The following EVL variants were observed in gnomAD, a reference collection of about 807,000 sequenced individuals.
The protein encoded by EVL is Enah/Vasp-like, also known as ena/VASP-like protein.
In EVL, 21 loss-of-function variants were observed where a neutral mutation model predicts 59.6. The observed-to-expected ratio is 0.35, with a 90% CI of 0.25 to 0.51. The LOEUF (loss-of-function observed/expected upper bound fraction) is 0.51, where lower values mean the gene tolerates loss of function less well. EVL is among the 20% of genes least tolerant of loss of function. The pLI, the probability that EVL is intolerant of heterozygous loss-of-function variation, is 0.97. For synonymous variants in EVL, 198 were observed against 203.5 expected, an observed-to-expected ratio of 0.97 and a Z score of 0.23; for missense variants, 462 against 546.6, an observed-to-expected ratio of 0.85 and a Z score of 1.54.
chr14:100,135,655 T>A (rs1045465830), intron 8 of EVL: 3 of 447,580 alleles, frequency 6.7e-6, no homozygotes, highest in East Asian at 4.1e-5. Flanking sequence ...AAGGAAGTTC[T>A]ATATCACCCT....
At chr14:100,065,889 C>T (rs187010340) in intron 1 of EVL, among the ~76,000 whole-genome samples, 1 of 152,132 alleles carries the variant, frequency 6.6e-6, no homozygotes, top group African/African-American at 2.4e-5. Flanking sequence ...TCTAGAATGA[C>T]CCGAGACTGG....
rs190182108 is a variant in EVL, at chr14:100,105,668, G to A, written c.358+8010G>A. ...CCCTTTCTTGGACCTTGGTTTCTTC[G>A]TCTGTGAAATGTAGGTGGTTATCCG... On this transcript the variant is annotated intron_variant, in intron 3 of 13. Transcript: ENST00000392920. 5.3e-5 allele frequency among the ~76,000 whole-genome samples: 8 copies of A among 151,964 alleles called. No homozygotes were observed. In the East Asian group the frequency reaches 7.8e-4, roughly 15 times the overall value.
intron 1 of EVL, among the ~76,000 whole-genome samples, chr14:100,034,234 C>CAA (rs548491187): frequency 0.027 from 2,485 of 90,846 alleles, 100 homozygotes; most frequent in African/African-American, 0.086. Context: ...GAATCTGTCT[C>CAA]AAAAAAAAAA....
At chr14:99,983,110 A>G (rs1479598662) in intron 1 of EVL, among the ~76,000 whole-genome samples, 2 of 152,192 alleles carry the variant, frequency 1.3e-5, no homozygotes, top group African/African-American at 4.8e-5. Context: ...GATATGGGAC[A>G]GTTCTGGTTT....
chr14:100,057,617 C>T (rs1269057501), intron 1 of EVL, among the ~76,000 whole-genome samples: 1 of 152,088 alleles, frequency 6.6e-6, no homozygotes, highest in Non-Finnish European at 1.5e-5. Context: ...TGGAACTGAA[C>T]TGTGAGTGAA....
chr14:100,050,129 C>G (rs2061622729), intron 1 of EVL, among the ~76,000 whole-genome samples: 1 of 152,130 alleles, frequency 6.6e-6, no homozygotes, highest in Non-Finnish European at 1.5e-5. Context: ...AACTCCCACC[C>G]CGTAAAAACA....
chr14:100,138,227 G>A (rs901535232), intron 11 of EVL: 6 of 244,586 alleles, frequency 2.5e-5, no homozygotes, highest in Non-Finnish European at 4.0e-5. Context: ...CACTAGCCAG[G>A]GCTGCACCCT....
intron 1 of EVL, among the ~76,000 whole-genome samples, chr14:100,033,113 A>C (rs2140220766): frequency 6.6e-6 from 1 of 152,294 alleles, no homozygotes; most frequent in South Asian, 2.1e-4. Flanking sequence ...GTGGATGGGA[A>C]AGATCAGCCG....
intron 1 of EVL, among the ~76,000 whole-genome samples, chr14:100,036,067 G>C (rs1027568267): frequency 1.3e-5 from 2 of 152,198 alleles, no homozygotes; most frequent in African/African-American, 4.8e-5. Flanking sequence ...GCAGTGGTGA[G>C]CATTACTGCC....
At position 100,007,196 on chromosome 14, in the gene EVL, A is replaced by G. The variant is rs914686554; in HGVS notation, c.5+35139A>G. On this transcript the variant is annotated intron_variant, in intron 1 of 13. Transcript: ENST00000402714. ...CATTTTAGGGAGACATGAGACATCAATCAGTATATGTAAGATATATATTGG... is the reference window on the plus strand; with the variant it reads ...CATTTTAGGGAGACATGAGACATCAGTCAGTATATGTAAGATATATATTGG... Among the ~76,000 whole-genome samples, 15 of 152,066 alleles carry G rather than the reference A, an allele frequency of 9.9e-5. 1 individual carries two copies. The highest frequency in any genetic ancestry group is 9.8e-4 in the Admixed American group (15 of 15,264).
rs116776111 is a variant in EVL at position 100,094,071 on chromosome 14, T to A, written c.181-3410T>A. On this transcript the variant is annotated intron_variant, in intron 2 of 13. Transcript: ENST00000392920. ...TACTACCCACATTTCAGGTATCCAC[T>A]GGGGGTCTTGGAACCAATTCTGCAT... 9.5e-3 allele frequency among the ~76,000 whole-genome samples: 1,447 copies of A among 152,274 alleles called. 18 individuals carry two copies. Among genetic ancestry groups the A allele is most frequent in the African/African-American group, 0.033 (1,359 of 41,546 alleles).
At chr14:100,112,996 T>C (rs1887099553) in intron 3 of EVL, among the ~76,000 whole-genome samples, 1 of 152,190 alleles carries the variant, frequency 6.6e-6, no homozygotes, top group Non-Finnish European at 1.5e-5. Flanking sequence ...GCCTTGTCAA[T>C]ACAGTGTATG....
intron 1 of EVL, among the ~76,000 whole-genome samples, chr14:99,988,333 G>A (rs1377224520): frequency 6.6e-6 from 1 of 152,136 alleles, no homozygotes; most frequent in African/African-American, 2.4e-5. Context: ...AAGAGGAAAG[G>A]CAAACCAAAA....
chr14:100,078,010 G>T (rs1159889055), intron 1 of EVL, among the ~76,000 whole-genome samples: 1 of 152,052 alleles, frequency 6.6e-6, no homozygotes, highest in South Asian at 2.1e-4. Flanking sequence ...TCCTGACCTC[G>T]TGATCCGCCC....
chr14:100,081,642 G>A (rs1488700328), intron 1 of EVL, among the ~76,000 whole-genome samples: 3 of 152,112 alleles, frequency 2.0e-5, no homozygotes, highest in African/African-American at 7.2e-5. Context: ...TAAAAGGTGT[G>A]TGTGATACCC....
intron 1 of EVL, among the ~76,000 whole-genome samples, chr14:100,043,605 CTTTTTTT>C (rs540453599): frequency 1.6e-5 from 2 of 127,244 alleles, no homozygotes; most frequent in African/African-American, 3.0e-5. Context: ...TTTCCTCTGC[CTTTTTTT>C]TTTTTTTTTT....
At chr14:99,997,269 T>G (rs901118590) in intron 1 of EVL, among the ~76,000 whole-genome samples, 1 of 152,240 alleles carries the variant, frequency 6.6e-6, no homozygotes, top group Non-Finnish European at 1.5e-5. Flanking sequence ...ATTCCAAGCT[T>G]TGAGGAAGTT....
chr14:100,102,466 T>C (rs1395802086), intron 3 of EVL: 1 of 435,290 alleles, frequency 2.3e-6, no homozygotes, highest in Admixed American at 2.4e-5. Context: ...GGAGTTGTTA[T>C]TGTTATTCGT....
At chr14:99,989,344 C>CATCGTT (rs2060860948) in intron 1 of EVL, among the ~76,000 whole-genome samples, 1 of 152,200 alleles carries the variant, frequency 6.6e-6, no homozygotes, top group African/African-American at 2.4e-5. Flanking sequence ...GTCAGGTCTT[C>CATCGTT]ATCGTTATTA....
Sources: allele counts gnomAD v4.1 joint callset (sites outside exome capture counted in the v4.1 genomes callset), GRCh38; gene constraint gnomAD v4.1.1; transcripts MANE v1.5; gene names NCBI Gene and HGNC (gene_info 2026-07-23, HGNC 2026-07-21).